The following CPVL variants were observed in gnomAD, a reference collection of about 807,000 sequenced individuals.
CPVL encodes probable serine carboxypeptidase CPVL.
A neutral mutation model predicts 63.7 loss-of-function variants in CPVL; 51 were observed. That is an observed-to-expected ratio of 0.80 (90% CI 0.64 to 1.01). The LOEUF (loss-of-function observed/expected upper bound fraction) is 1.01, where lower values mean the gene tolerates loss of function less well. CPVL is among the 50% of genes least tolerant of loss of function. CPVL has a pLI of 0.00. For synonymous variants in CPVL, 195 were observed against 206.0 expected, an observed-to-expected ratio of 0.95 and a Z score of 0.46; for missense variants, 530 against 573.1, an observed-to-expected ratio of 0.92 and a Z score of 0.77.
intron 11 of CPVL, among the ~76,000 whole-genome samples, chr7:29,063,077 T>C (rs1782789756): frequency 6.6e-6 from 1 of 152,124 alleles, no homozygotes; most frequent in Admixed American, 6.5e-5. Context: ...ACTTTCCCCA[T>C]GTCATTTGCT....
chr7:29,121,340 G>C (rs1377643936), intron 1 of CPVL, among the ~76,000 whole-genome samples: 1 of 151,570 alleles, frequency 6.6e-6, no homozygotes, highest in Non-Finnish European at 1.5e-5. Flanking sequence ...TTGCTCTGTT[G>C]CTCAAGCTAG....
Position 29,096,138 on chromosome 7 carries a change from T to C in CPVL, c.368A>G (p.Glu123Gly). The C allele has an allele frequency of 6.2e-7, 1 of 1,614,198 alleles. No homozygotes were observed. ...GGSSMFGLFV[E>G]HGPYVVTSNM... is the part of the protein sequence containing the mutation. ...ACTTGTGACAACATAAGGCCCATGTTCCACAAAGAGTCCAAACATGGATGA... is the reference window on the plus strand; with the variant it reads ...ACTTGTGACAACATAAGGCCCATGTCCCACAAAGAGTCCAAACATGGATGA... The change falls in exon 4 of 13, where the codon GAA becomes GGA. Residue 123 changes from glutamate (E) to glycine (G), a missense_variant. Glu to Gly is a moderately conservative substitution (Grantham distance 98). Transcript: ENST00000265394.
intron 7 of CPVL, among the ~76,000 whole-genome samples, chr7:29,076,483 T>C (rs1434574007): frequency 6.6e-6 from 1 of 152,172 alleles, no homozygotes; most frequent in East Asian, 1.9e-4. Context: ...CACATATTAT[T>C]TTAGGATTTG....
upstream of CPVL, among the ~76,000 whole-genome samples, chr7:29,149,833 C>T (rs1222920740): frequency 6.6e-6 from 1 of 152,152 alleles, no homozygotes; most frequent in African/African-American, 2.4e-5. Flanking sequence ...GTCTCCCCTC[C>T]ATGTGTCTGT....
chr7:29,123,558 G>A (rs1789584976), intron 1 of CPVL, among the ~76,000 whole-genome samples: 1 of 118,392 alleles, frequency 8.4e-6, no homozygotes, highest in African/African-American at 3.2e-5. Flanking sequence ...ACTTTCAAGG[G>A]ATGCCTGAAA....
intron 6 of CPVL, among the ~76,000 whole-genome samples, chr7:29,089,985 C>G (rs1342264122): frequency 6.6e-6 from 1 of 152,120 alleles, no homozygotes; most frequent in Non-Finnish European, 1.5e-5. Flanking sequence ...GCCTCAGCCT[C>G]CCAAGTAGCT....
intron 11 of CPVL, among the ~76,000 whole-genome samples, chr7:29,031,718 A>T (rs1024883327): frequency 1.3e-5 from 2 of 152,194 alleles, no homozygotes; most frequent in African/African-American, 4.8e-5. Flanking sequence ...GAAAAACTCA[A>T]ACACAATCCA....
intron 1 of CPVL, among the ~76,000 whole-genome samples, chr7:29,135,567 C>G (rs543373680): frequency 6.6e-5 from 10 of 152,028 alleles, no homozygotes; most frequent in African/African-American, 9.7e-5. Flanking sequence ...CTCCTGACCT[C>G]GTGATCCACC....
intron 5 of CPVL, among the ~76,000 whole-genome samples, chr7:29,178,851 G>A (rs950958073): frequency 2.0e-5 from 3 of 152,036 alleles, no homozygotes; most frequent in African/African-American, 7.3e-5. Context: ...AATAAAAATG[G>A]GTTTGCCACA....
chr7:29,045,470 G>A (rs1789520530), intron 11 of CPVL, among the ~76,000 whole-genome samples: 1 of 152,162 alleles, frequency 6.6e-6, no homozygotes, highest in African/African-American at 2.4e-5. Context: ...CCTAGAGTTA[G>A]CTTCCTTCTC....
chr7:29,086,254 T>C (rs1241563333), intron 7 of CPVL, among the ~76,000 whole-genome samples: 1 of 151,832 alleles, frequency 6.6e-6, no homozygotes, highest in Non-Finnish European at 1.5e-5. Context: ...ATCACGCCAC[T>C]GCACTCCAGC....
intron 12 of CPVL, 122 bp downstream of exon 12, chr7:29,030,455 G>C (rs1353054782): frequency 1.0e-5 from 9 of 889,448 alleles, no homozygotes; most frequent in Admixed American, 2.3e-5. Context: ...GGCCACAGAA[G>C]ACACACACTG....
intron 3 of CPVL, among the ~76,000 whole-genome samples, chr7:29,103,839 C>G (rs1211047292): frequency 6.6e-6 from 1 of 152,170 alleles, no homozygotes; most frequent in Non-Finnish European, 1.5e-5. Context: ...AGGCCCTCTT[C>G]ACACTTCTAT....
intron 9 of CPVL, among the ~76,000 whole-genome samples, chr7:29,068,926 G>A (rs1393384819): frequency 2.0e-5 from 3 of 150,066 alleles, no homozygotes; most frequent in Admixed American, 6.6e-5. Context: ...CTCGTGATCC[G>A]CCCGCCTCGG....
At chr7:29,116,076 A>G (rs955101210) in intron 2 of CPVL, among the ~76,000 whole-genome samples, 2 of 152,222 alleles carry the variant, frequency 1.3e-5, no homozygotes, top group African/African-American at 4.8e-5. Flanking sequence ...CACCTAAGAC[A>G]TTCAATAAAT....
intron 2 of CPVL, among the ~76,000 whole-genome samples, chr7:29,115,459 C>G (rs1788688582): frequency 6.6e-6 from 1 of 152,132 alleles, no homozygotes; most frequent in African/African-American, 2.4e-5. Context: ...GTTTTTGCCA[C>G]TCCTCCCCTC....
At position 29,159,914 on chromosome 7, in the gene CPVL, A is replaced by C. The variant is rs990930277; in HGVS notation, c.-11+21376T>G. On this transcript the variant is annotated intron_variant, in intron 5 of 16. Transcript: ENST00000409850. ...ATAATGCTTAAGTATTTGTGGAAGG[A>C]CGTAATTAATTGTCCCCAAATGGCA... Among the ~76,000 whole-genome samples the C allele has an allele frequency of 5.9e-5, 9 of 152,318 alleles. No homozygotes were observed. In the East Asian group the frequency reaches 1.7e-3, roughly 29 times the overall value.
At chr7:29,024,642 C>G (rs148925153) in intron 12 of CPVL, among the ~76,000 whole-genome samples, 2 of 152,182 alleles carry the variant, frequency 1.3e-5, no homozygotes, top group South Asian at 4.1e-4. Flanking sequence ...ATCAGACTAA[C>G]AGTTTTCTCA....
intron 9 of CPVL, among the ~76,000 whole-genome samples, chr7:29,066,794 G>A (rs1257642948): frequency 2.0e-5 from 3 of 152,220 alleles, no homozygotes; most frequent in Non-Finnish European, 4.4e-5. Flanking sequence ...AGCTGAGCGG[G>A]AGAGCAGTCA....
Sources: allele counts gnomAD v4.1 joint callset (sites outside exome capture counted in the v4.1 genomes callset), GRCh38; gene constraint gnomAD v4.1.1; transcripts MANE v1.5; gene names NCBI Gene and HGNC (gene_info 2026-07-23, HGNC 2026-07-21).